The following PLEKHG6 variants were observed in gnomAD, a reference collection of about 807,000 sequenced individuals.
The protein encoded by PLEKHG6 is pleckstrin homology and RhoGEF domain containing G6.
A neutral mutation model predicts 97.5 loss-of-function variants in PLEKHG6; 91 were observed. The ratio of observed to expected loss-of-function variants is 0.93; its 90% CI spans 0.79 to 1.11. PLEKHG6 has a LOEUF of 1.11. PLEKHG6 is among the 50% of genes most tolerant of loss of function. PLEKHG6 has a pLI of 0.00. For missense variants in PLEKHG6, 1,044 were observed against 1,031.0 expected (o/e 1.01, Z -0.17); for synonymous variants, 466 against 425.5 (o/e 1.10, Z -1.17).
rs1235806406 is a variant in PLEKHG6, at chr12:6,310,858, G to C, written c.-69+10G>C. 2.0e-5 allele frequency: 3 copies of C among 151,776 alleles called. No homozygotes were observed. Among genetic ancestry groups the C allele is most frequent in the African/African-American group, 7.3e-5 (3 of 41,226 alleles). The allele number at this position is 151,776 out of a possible 1,614,324, so 9.4% of individuals were successfully genotyped here. On this transcript the variant is annotated intron_variant, in intron 1 of 15. Transcript: ENST00000684764. ...ACACCTGTGGGCACAGGTGAGCGGC[G>C]GGAGGGCTACGCGGCCCGGGGGCGG...
intron 1 of PLEKHG6, 178 bp downstream of exon 1, chr12:6,311,026 G>A (rs1947243091): frequency 6.6e-6 from 1 of 152,424 alleles, no homozygotes; most frequent in African/African-American, 2.4e-5. Flanking sequence ...CGCCCTCAGA[G>A]GGAGGACTAT....
At chr12:6,318,016 AC>A (rs1025385696) in intron 10 of PLEKHG6, 22 bp downstream of exon 10, 3 of 1,571,016 alleles carry the variant, frequency 1.9e-6, no homozygotes, top group Non-Finnish European at 2.6e-6. Context: ...AAGGGAAGGG[AC>A]CCAGGAAAAG....
chr12:6,326,693 G>A, intron 14 of PLEKHG6, 120 bp downstream of exon 14: 1 of 964,650 alleles, frequency 1.0e-6, no homozygotes, highest in Non-Finnish European at 1.4e-6. Flanking sequence ...CGCAGGCGTA[G>A]GGCAGGGTAG....
At chr12:6,313,083 G>A in intron 2 of PLEKHG6, 1 of 1,530,672 alleles carries the variant, frequency 6.5e-7, no homozygotes, top group Non-Finnish European at 8.8e-7. Context: ...GGCCTGCCCT[G>A]GGAGGAGCTG....
chr12:6,311,488 G>A (rs569242712), intron 1 of PLEKHG6, among the ~76,000 whole-genome samples: 2 of 152,292 alleles, frequency 1.3e-5, no homozygotes, highest in South Asian at 4.1e-4. Flanking sequence ...GGCCTACACC[G>A]TCTGTCCCAA....
At chr12:6,318,234 C>A in intron 10 of PLEKHG6, 67 bp from the exon 11 acceptor site, 2 of 1,606,372 alleles carry the variant, frequency 1.2e-6, no homozygotes, top group Non-Finnish European at 1.7e-6. Context: ...GAACCAGGAG[C>A]CGCCCTTGGC....
At position 6,327,380 on chromosome 12, in the gene PLEKHG6, G is replaced by C. The variant is rs138803770; in HGVS notation, c.1797G>C (p.Thr599=). The C allele has an allele frequency of 7.4e-6, 12 of 1,613,844 alleles. No homozygotes were observed. Among genetic ancestry groups the C allele is most frequent in the African/African-American group, 1.3e-5 (1 of 74,872 alleles). Residue 599 remains threonine (T), a synonymous_variant, in exon 15 of 16, where the codon ACG becomes ACC. Coordinates refer to ENST00000684764, the MANE Select transcript of PLEKHG6 (RefSeq NM_001384598.1). ...GCACTTTGATCCCAGGCACCCCCAC[G>C]GGGTCCCGCTCCCCACTGAGCCGTC... ...GYGTLIPGTP[T]GSRSPLSRLR... is the part of the protein sequence containing the mutation.
chr12:6,315,924 G>A lies in PLEKHG6; in HGVS notation c.606+5G>A. The stretch of plus-strand genomic sequence containing the variant: ...CGAGTGGGACTGCTGATGGAAGTGA[G>A]TGGGTGCTCAGGAGGGGACCCTGGC... On this transcript the variant is annotated splice_donor_5th_base_variant and intron_variant, in intron 6 of 15. Transcript: ENST00000684764. This position sits in a 1 kb window ranked among gnomAD's most constrained non-coding sequence, Gnocchi z 4.5. 1 of 1,579,678 alleles carries A rather than the reference G, an allele frequency of 6.3e-7. No individual in the cohort carries two copies. The highest frequency in any genetic ancestry group is 8.6e-7 in the Non-Finnish European group (1 of 1,162,470).
At chr12:6,323,907 A>G (rs1376122922) in intron 13 of PLEKHG6, among the ~76,000 whole-genome samples, 1 of 152,140 alleles carries the variant, frequency 6.6e-6, no homozygotes, top group Non-Finnish European at 1.5e-5. Context: ...TTGCTCAGGA[A>G]GTCAGTGGGC....
In PLEKHG6 at chr12:6,317,407, C is replaced by A. The variant is rs71584811; in HGVS notation, c.861C>A (p.Phe287Leu). The change falls in exon 8 of 16, where the codon TTC (phenylalanine) becomes TTA (leucine). Residue 287 changes from phenylalanine (F) to leucine (L), a missense_variant. Coordinates refer to ENST00000684764, the MANE Select transcript of PLEKHG6 (RefSeq NM_001384598.1). ...AAACTAACCCTCTCTTCCATGCCTT[C>A]GTGCAGGTGGGAGAAGGGGTGCTGG... Reference protein sequence around the residue: ...QQETNPLFHAFVQWCEKHKRS... With the variant: ...QQETNPLFHALVQWCEKHKRS... The A allele has an allele frequency of 1.2e-6, 2 of 1,613,198 alleles. No homozygotes were observed. Among genetic ancestry groups the A allele is most frequent in the African/African-American group, 1.3e-5 (1 of 75,026 alleles).
Position 6,315,205 on chromosome 12 carries a change from C to A in PLEKHG6, c.459+36C>A. ...AACTCACAAGGTGAGTCTGTCCCCA[C>A]GGCGTGAATGCACACACAGATTCTG... On this transcript the variant is annotated intron_variant, in intron 4 of 15. Transcript: ENST00000684764. The surrounding 1 kb of genome is among the most constrained non-coding windows in gnomAD (Gnocchi z 4.5). 6.3e-7 allele frequency: 1 copy of A among 1,582,190 alleles called. No homozygotes were observed. Among genetic ancestry groups the A allele is most frequent in the Non-Finnish European group, 8.6e-7 (1 of 1,162,216 alleles).
rs1450170955 is a variant in PLEKHG6 at position 6,310,707 on chromosome 12, G to A, written c.-210G>A. ...CTCCTCGCCCGGACCCGCGCTGCCC[G>A]GCTCCCGCGGGCCGCTCGATCCCAG... On this transcript the variant is annotated 5_prime_UTR_variant, in exon 1 of 16. Transcript: ENST00000684764. 2 of 152,064 alleles carry A rather than the reference G, an allele frequency of 1.3e-5. No individual in the cohort carries two copies. The highest frequency in any genetic ancestry group is 4.8e-5 in the African/African-American group (2 of 41,430). 9.4% of individuals were successfully genotyped at this position (152,064 alleles called of 1,614,324 possible).
Position 6,318,762 on chromosome 12 carries a change from C to A in PLEKHG6, c.1293C>A (p.Phe431Leu). ...ACCCCCAGCTGGACGTGTACCTGTTCCTCTTCTCTGATGTGCTCCTTGTGA... is the reference window on the plus strand; with the variant it reads ...ACCCCCAGCTGGACGTGTACCTGTTACTCTTCTCTGATGTGCTCCTTGTGA... ...GREGKLDVYLFLFSDVLLVTK... is the reference protein window; with the variant it reads ...GREGKLDVYLLLFSDVLLVTK... The change falls in exon 12 of 16, where the codon TTC becomes TTA. Residue 431 changes from phenylalanine to leucine, a missense_variant. Physicochemically the swap from Phe to Leu is conservative, Grantham distance 22. Coordinates refer to ENST00000684764, the MANE Select transcript of PLEKHG6 (RefSeq NM_001384598.1). 1 of 1,613,954 alleles carries A rather than the reference C, an allele frequency of 6.2e-7. No homozygotes were observed. The highest frequency in any genetic ancestry group is 8.5e-7 in the Non-Finnish European group (1 of 1,179,930).
chr12:6,318,611 C>T (rs1039626074), intron 11 of PLEKHG6, 134 bp from the exon 12 acceptor site: 29 of 1,187,304 alleles, frequency 2.4e-5, no homozygotes, highest in Non-Finnish European at 3.5e-5. Flanking sequence ...AAAGCGACGC[C>T]CCTGGCCACT....
At chr12:6,313,351 G>C (rs1206317262) in intron 2 of PLEKHG6, among the ~76,000 whole-genome samples, 1 of 152,194 alleles carries the variant, frequency 6.6e-6, no homozygotes, top group Non-Finnish European at 1.5e-5. Context: ...TGTGTGTGCT[G>C]TGCACCTGCT....
chr12:6,315,114 G>A lies in PLEKHG6; in HGVS notation c.404G>A (p.Gly135Asp). Reference sequence around the variant, plus strand: ...CGGCACTGGGAGATAGGAGAGGGTGGCGACAGTGGCCTGACCATCGAGAAG... The same window carrying A: ...CGGCACTGGGAGATAGGAGAGGGTGACGACAGTGGCCTGACCATCGAGAAG... ...DRRHWEIGEG[G>D]DSGLTIEKSW... Residue 135 changes from glycine to aspartate, a missense_variant, in exon 4 of 16, where the codon GGC (glycine) becomes GAC (aspartate). Transcript: ENST00000684764. The surrounding 1 kb of genome is among the most constrained non-coding windows in gnomAD (Gnocchi z 4.5). 1 of 1,612,892 alleles carries A rather than the reference G, an allele frequency of 6.2e-7. No homozygotes were observed. Among genetic ancestry groups the A allele is most frequent in the Non-Finnish European group, 8.5e-7 (1 of 1,180,010 alleles).
Position 6,327,461 on chromosome 12 carries a change from C to T in PLEKHG6, c.1878C>T (p.Leu626=). 1 of 1,612,784 alleles carries T rather than the reference C, an allele frequency of 6.2e-7. No homozygotes were observed. Among genetic ancestry groups the T allele is most frequent in the South Asian group, 1.1e-5 (1 of 91,036 alleles). ...GCCTCACCTTCTCCACCCTGGAACT[C>T]CGGGACATCCCTCTGCGTCCCCACC... ...DPRLTFSTLE[L]RDIPLRPHPP... is the part of the protein sequence containing the mutation. The change falls in exon 15 of 16, where the codon CTC becomes CTT. Residue 626 remains leucine, a synonymous_variant. Coordinates refer to ENST00000684764, the MANE Select transcript of PLEKHG6 (RefSeq NM_001384598.1).
At position 6,318,857 on chromosome 12, in the gene PLEKHG6, G is replaced by A. The variant is rs762357334; in HGVS notation, c.1388G>A (p.Cys463Tyr). ...RPPLMLEKLV[C>Y]QPLRDPNSFL... is the part of the protein sequence containing the mutation. ...CCTCTCATGCTGGAGAAGCTCGTGT[G>A]CCAACCCCTGCGAGACCCCAGTACG... The change falls in exon 12 of 16, where the codon TGC becomes TAC. Residue 463 changes from cysteine to tyrosine, a missense_variant. Physicochemically the swap from Cys to Tyr is radical, Grantham distance 194. Coordinates refer to ENST00000684764, the MANE Select transcript of PLEKHG6 (RefSeq NM_001384598.1). The A allele has an allele frequency of 6.8e-6, 11 of 1,614,100 alleles. No homozygotes were observed. The Admixed American group carries it at 1.3e-4, about 20-fold the overall frequency.
chr12:6,316,248 C>T lies in PLEKHG6; in HGVS notation c.607-7C>T, dbSNP rs1322270045. The stretch of plus-strand genomic sequence containing the variant: ...AGTGTGCTGCTCAGCTCTGCTCCCT[C>T]CTCCAGGTGTCAGCTGAGACCCTGT... On this transcript the variant is annotated splice_region_variant and splice_polypyrimidine_tract_variant and intron_variant, in intron 6 of 15. Transcript: ENST00000684764. The surrounding 1 kb of genome is among the most constrained non-coding windows in gnomAD (Gnocchi z 4.1). The T allele has an allele frequency of 6.5e-7, 1 of 1,549,252 alleles. No individual in the cohort carries two copies. Among genetic ancestry groups the T allele is most frequent in the Non-Finnish European group, 8.7e-7 (1 of 1,145,122 alleles).
Sources: allele counts gnomAD v4.1 joint callset (sites outside exome capture counted in the v4.1 genomes callset), GRCh38; gene constraint gnomAD v4.1.1; non-coding constraint Gnocchi (gnomAD v3.1); transcripts MANE v1.5; gene names NCBI Gene and HGNC (gene_info 2026-07-23, HGNC 2026-07-21).